NRG3: variants seen among roughly 807,000 people sequenced by gnomAD.
NRG3 encodes neuregulin 3, also known as pro-neuregulin-3, membrane-bound isoform.
NRG3 carries 31 observed loss-of-function variants against 66.9 expected under a neutral mutation model. The observed-to-expected ratio is 0.46, with a 90% CI of 0.35 to 0.63. NRG3 has a LOEUF of 0.63. NRG3 is among the 20% of genes least tolerant of loss of function. The probability of loss-of-function intolerance (pLI) is 0.00; values close to 1 mark genes in which losing one functional copy is unlikely to be tolerated. For missense variants in NRG3, 910 were observed against 878.9 expected, an observed-to-expected ratio of 1.04 and a Z score of -0.45; for synonymous variants, 393 against 359.4, an observed-to-expected ratio of 1.09 and a Z score of -1.06.
chr10:81,894,152 TC>T (rs1303078071), intron 1 of NRG3, among the ~76,000 whole-genome samples: 1 of 151,970 alleles, frequency 6.6e-6, no homozygotes, highest in Non-Finnish European at 1.5e-5. Flanking sequence ...ACCAACCTGA[TC>T]AACATGGCCA....
intron 4 of NRG3, among the ~76,000 whole-genome samples, chr10:82,909,447 A>G (rs1034397508): frequency 6.6e-6 from 1 of 152,160 alleles, no homozygotes; most frequent in East Asian, 1.9e-4. Context: ...ACCTCATGTG[A>G]CAGGTTGCAG....
chr10:81,958,855 C>T (rs993360977), intron 1 of NRG3, among the ~76,000 whole-genome samples: 1 of 152,076 alleles, frequency 6.6e-6, no homozygotes, highest in East Asian at 1.9e-4. Context: ...AGCCCCACTA[C>T]ACTCCAGCTG....
At chr10:82,487,863 A>T (rs933887086) in intron 2 of NRG3, among the ~76,000 whole-genome samples, 1 of 152,152 alleles carries the variant, frequency 6.6e-6, no homozygotes, top group Non-Finnish European at 1.5e-5. Flanking sequence ...GTATATTATG[A>T]GTTGTAGTCA....
At chr10:82,909,972 A>G (rs541239406) in intron 4 of NRG3, among the ~76,000 whole-genome samples, 1 of 152,322 alleles carries the variant, frequency 6.6e-6, no homozygotes, top group South Asian at 2.1e-4. Flanking sequence ...GATAAACAGA[A>G]GTTAATGAAA....
At chr10:82,263,616 C>T (rs559567970) in intron 1 of NRG3, among the ~76,000 whole-genome samples, 78 of 151,788 alleles carry the variant, frequency 5.1e-4, no homozygotes, top group Non-Finnish European at 8.5e-4. Context: ...TACACACACA[C>T]CACACACACA....
intron 1 of NRG3, among the ~76,000 whole-genome samples, chr10:82,245,825 T>C (rs2077210642): frequency 2.0e-5 from 3 of 152,182 alleles, no homozygotes; most frequent in Admixed American, 2.0e-4. Context: ...AAATCATTAA[T>C]AAAATTCTCC....
chr10:82,085,018 A>G (rs1393190896), intron 1 of NRG3, among the ~76,000 whole-genome samples: 3 of 152,094 alleles, frequency 2.0e-5, no homozygotes, highest in Non-Finnish European at 4.4e-5. Context: ...CTCAGGAACA[A>G]ATATTTAAGT....
At chr10:82,431,247 A>G (rs2089786076) in intron 2 of NRG3, among the ~76,000 whole-genome samples, 1 of 152,190 alleles carries the variant, frequency 6.6e-6, no homozygotes, top group African/African-American at 2.4e-5. Flanking sequence ...AAAGCCAAAG[A>G]GATCAACTAG....
intron 2 of NRG3, among the ~76,000 whole-genome samples, chr10:82,704,857 TAATTC>T (rs1399040619): frequency 1.3e-5 from 2 of 152,204 alleles, no homozygotes; most frequent in African/African-American, 4.8e-5. Context: ...ATTCAACTCA[TAATTC>T]AATTTTATAG....
At chr10:82,016,226 A>G (rs1411646456) in intron 1 of NRG3, among the ~76,000 whole-genome samples, 1 of 152,060 alleles carries the variant, frequency 6.6e-6, no homozygotes, top group Non-Finnish European at 1.5e-5. Context: ...AATCAAGTGT[A>G]TTTTTAATGG....
chr10:82,952,509 G>A (rs1592072408), intron 5 of NRG3, among the ~76,000 whole-genome samples: 1 of 137,806 alleles, frequency 7.3e-6, no homozygotes, highest in East Asian at 2.0e-4. Context: ...GTGTGTGTGT[G>A]TGTGTGTGTG....
At chr10:82,251,312 C>T (rs1056521989) in intron 1 of NRG3, among the ~76,000 whole-genome samples, 2 of 152,134 alleles carry the variant, frequency 1.3e-5, no homozygotes, top group African/African-American at 2.4e-5. Flanking sequence ...CTGACTCTTC[C>T]TCTTGTTAAA....
At chr10:82,539,942 G>T (rs1274747709) in intron 2 of NRG3, among the ~76,000 whole-genome samples, 1 of 151,996 alleles carries the variant, frequency 6.6e-6, no homozygotes, top group Admixed American at 6.6e-5. Flanking sequence ...GTTTACTGCC[G>T]TTTTTTTATA....
At chr10:82,282,310 G>T (rs1408952198) in intron 1 of NRG3, among the ~76,000 whole-genome samples, 1 of 151,614 alleles carries the variant, frequency 6.6e-6, no homozygotes, top group Admixed American at 6.6e-5. Context: ...AATCTGGAGG[G>T]TTTAGCTGAC....
intron 1 of NRG3, among the ~76,000 whole-genome samples, chr10:82,270,821 A>G (rs1447450087): frequency 4.6e-5 from 7 of 152,140 alleles, no homozygotes; most frequent in African/African-American, 1.4e-4. Flanking sequence ...ATCTGTAACA[A>G]GTATTGTCTC....
rs374811696 is a variant in NRG3 at position 82,333,024 on chromosome 10, T to C, written c.824-25715T>C. Reference sequence around the variant, plus strand: ...TCGAGTTTTTGAACATAATTTTTCATTTCTCAAAACCCTACTTGCATAAGG... The same window carrying C: ...TCGAGTTTTTGAACATAATTTTTCACTTCTCAAAACCCTACTTGCATAAGG... On this transcript the variant is annotated intron_variant, in intron 1 of 8. Coordinates refer to ENST00000372141, the MANE Select transcript of NRG3 (RefSeq NM_001010848.4). Among the ~76,000 whole-genome samples the C allele has an allele frequency of 1.5e-4, 23 of 152,358 alleles. No homozygotes were observed. The East Asian group carries it at 3.9e-3, about 26-fold the overall frequency.
At chr10:81,890,611 C>G (rs1006915759) in intron 1 of NRG3, among the ~76,000 whole-genome samples, 1 of 152,192 alleles carries the variant, frequency 6.6e-6, no homozygotes, top group Non-Finnish European at 1.5e-5. Context: ...TGGTATTCCA[C>G]AGTGTATTCC....
chr10:82,818,942 G>A (rs889822291), intron 3 of NRG3, among the ~76,000 whole-genome samples: 1 of 152,088 alleles, frequency 6.6e-6, no homozygotes. Flanking sequence ...TTGACCTGCT[G>A]TATCCATACA....
intron 2 of NRG3, among the ~76,000 whole-genome samples, chr10:82,380,658 T>C (rs1413965889): frequency 6.6e-6 from 1 of 152,160 alleles, no homozygotes; most frequent in Non-Finnish European, 1.5e-5. Flanking sequence ...AAACAAATTA[T>C]CTTCATATAC....
Sources: gnomAD v4.1 joint callset for allele counts (sites outside exome capture counted in the v4.1 genomes callset) on GRCh38, gnomAD v4.1.1 for gene constraint, MANE v1.5 for transcripts, NCBI Gene and HGNC (gene_info 2026-07-23, HGNC 2026-07-21) for gene names.